CARS2: variants seen among roughly 807,000 people sequenced by gnomAD.
CARS2 encodes cysteinyl-tRNA synthetase 2, mitochondrial, also known as probable cysteine--tRNA ligase, mitochondrial.
In CARS2, 52 loss-of-function variants were observed where a neutral mutation model predicts 68.8. The ratio of observed to expected loss-of-function variants is 0.76; its 90% confidence interval spans 0.61 to 0.95. The LOEUF (loss-of-function observed/expected upper bound fraction) is 0.95. Ranked by LOEUF, CARS2 falls within the 40% of genes least tolerant of loss-of-function variation. The probability of loss-of-function intolerance (pLI) is 0.00; values close to 1 mark genes in which losing one functional copy is unlikely to be tolerated. For missense variants in CARS2, 780 were observed against 754.2 expected (o/e 1.03, Z -0.40); for synonymous variants, 314 against 303.6 (o/e 1.03, Z -0.36).
chr13:110,652,708 C>T (rs2062250392), intron 9 of CARS2, among the ~76,000 whole-genome samples: 1 of 152,128 alleles, frequency 6.6e-6, no homozygotes, highest in Admixed American at 6.5e-5. Context: ...TGTGGGGTGG[C>T]GTTAATCAGA....
At chr13:110,642,763 CG>C (rs753745768) in intron 13 of CARS2, 39 of 736,524 alleles carry the variant, frequency 5.3e-5, no homozygotes, top group Non-Finnish European at 9.2e-5. Flanking sequence ...GATCCTCACT[CG>C]GGAGTTGGAA....
At chr13:110,710,930 T>C (rs1206942228), upstream of CARS2, among the ~76,000 whole-genome samples, 1 of 107,204 alleles carries the variant, frequency 9.3e-6, no homozygotes, top group Admixed American at 1.1e-4. Flanking sequence ...TTGTACTGTG[T>C]TGTGATTTTT....
At chr13:110,693,964 C>T (rs1458502005) in intron 3 of CARS2, among the ~76,000 whole-genome samples, 3 of 152,032 alleles carry the variant, frequency 2.0e-5, no homozygotes, top group Admixed American at 6.5e-5. Flanking sequence ...TCCCGGCACA[C>T]AAAAAGAGAA....
At chr13:110,662,973 A>G (rs1362009684) in intron 9 of CARS2, 1 of 456,294 alleles carries the variant, frequency 2.2e-6, no homozygotes, top group East Asian at 6.9e-5. Context: ...CATTCACACG[A>G]AAATTCACAT....
chr13:110,675,242 T>C (rs995670387), intron 7 of CARS2, among the ~76,000 whole-genome samples: 3 of 152,194 alleles, frequency 2.0e-5, no homozygotes, highest in African/African-American at 7.2e-5. Context: ...CATGCTGCTA[T>C]AAAGACACAT....
At chr13:110,667,010 AT>A in intron 8 of CARS2, 1 of 883,182 alleles carries the variant, frequency 1.1e-6, no homozygotes, top group Non-Finnish European at 1.4e-6. Flanking sequence ...TAGTGACAAC[AT>A]TATAGCTTCA....
chr13:110,692,501 C>T (rs1185067935), intron 3 of CARS2, among the ~76,000 whole-genome samples: 2 of 149,904 alleles, frequency 1.3e-5, no homozygotes, highest in Non-Finnish European at 3.0e-5. Flanking sequence ...TAAAAGTTTT[C>T]ATATTTGATA....
chr13:110,712,646 G>A (rs761208320), intron 1 of CARS2: 15 of 590,858 alleles, frequency 2.5e-5, no homozygotes, highest in Non-Finnish European at 4.4e-5. Flanking sequence ...CGACGCGGGG[G>A]AGGGCGGTCC....
At chr13:110,682,417 A>G (rs2063183677) in intron 6 of CARS2, among the ~76,000 whole-genome samples, 1 of 152,220 alleles carries the variant, frequency 6.6e-6, no homozygotes, top group Admixed American at 6.5e-5. Context: ...GGTCAGTGCT[A>G]TGGATGGTTA....
intron 6 of CARS2, among the ~76,000 whole-genome samples, chr13:110,682,262 G>A (rs898798832): frequency 7.2e-5 from 11 of 152,218 alleles, no homozygotes; most frequent in African/African-American, 2.7e-4. Flanking sequence ...ACAACTCTCA[G>A]AAACTTCTCC....
chr13:110,713,287 G>A (rs1028746576), exon 1 of CARS2: 34 of 1,284,046 alleles, frequency 2.6e-5, no homozygotes, highest in Non-Finnish European at 3.4e-5. Context: ...AGCGAGTTGC[G>A]GTAGTTGCTG....
At chr13:110,667,300 G>C (rs781650135) in intron 8 of CARS2, 40 bp downstream of exon 8, 1 of 1,572,236 alleles carries the variant, frequency 6.4e-7, no homozygotes, top group East Asian at 2.3e-5. Flanking sequence ...AGAACTGCTA[G>C]AATTGAAACA....
intron 3 of CARS2, among the ~76,000 whole-genome samples, chr13:110,696,122 T>C (rs752416431): frequency 7.4e-4 from 112 of 152,252 alleles, no homozygotes; most frequent in Non-Finnish European, 1.3e-3. Context: ...TCCTTTTCTA[T>C]GGCTGCACAG....
chr13:110,700,640 A>G (rs1339385315), intron 3 of CARS2, among the ~76,000 whole-genome samples: 1 of 152,260 alleles, frequency 6.6e-6, no homozygotes, highest in East Asian at 1.9e-4. Context: ...AAAAAAGCAC[A>G]ATAAGGTCTG....
At chr13:110,706,265 G>A, upstream of CARS2, 1 of 402,550 alleles carries the variant, frequency 2.5e-6, no homozygotes, top group South Asian at 1.1e-4. Context: ...CGAGTCGCCC[G>A]CGGCAAGGGT....
At chr13:110,701,254 A>G (rs1041694922) in intron 3 of CARS2, 184 bp downstream of exon 3, 2 of 484,576 alleles carry the variant, frequency 4.1e-6, no homozygotes, top group African/African-American at 2.0e-5. Context: ...AGTACAGACA[A>G]GGTTTCACCA....
intron 3 of CARS2, among the ~76,000 whole-genome samples, chr13:110,700,782 G>A (rs935531847): frequency 1.8e-4 from 28 of 152,222 alleles, no homozygotes; most frequent in African/African-American, 6.8e-4. Flanking sequence ...CAGTGGGTCT[G>A]GTTCCCTCAG....
Position 110,668,190 on chromosome 13 carries a change from G to A in CARS2, c.786-717C>T, listed in dbSNP as rs1189877605. Among the ~76,000 whole-genome samples, 2 of 152,204 alleles carry A rather than the reference G, an allele frequency of 1.3e-5. No individual in the cohort carries two copies. The highest frequency in any genetic ancestry group is 2.4e-5 in the African/African-American group (1 of 41,444). On this transcript the variant is annotated intron_variant, in intron 7 of 14. Coordinates refer to ENST00000257347, the MANE Select transcript of CARS2 (RefSeq NM_024537.4). The surrounding 1 kb of genome is among the most constrained non-coding windows in gnomAD (Gnocchi z 4.1). ...GCTCGGGGAAGCACTGCACACGGAG[G>A]TCTCGAGCCTGGGGAAACAGGCATC...
chr13:110,644,006 C>G (rs1194863443), intron 13 of CARS2: 4 of 818,332 alleles, frequency 4.9e-6, no homozygotes, highest in Non-Finnish European at 6.8e-6. Flanking sequence ...ATGTGCCAGG[C>G]AAGGGGGCTC....
Sources: gnomAD v4.1 joint callset for allele counts (sites outside exome capture counted in the v4.1 genomes callset) on GRCh38, gnomAD v4.1.1 for gene constraint, Gnocchi (gnomAD v3.1) non-coding constraint, MANE v1.5 for transcripts, NCBI Gene and HGNC (gene_info 2026-07-23, HGNC 2026-07-21) for gene names.